Variants in DGKH observed in about 807,000 individuals in gnomAD.
DGKH encodes DAG kinase eta.
In DGKH, 90 loss-of-function variants were observed where a neutral mutation model predicts 159.3. That is an observed-to-expected ratio of 0.57 (90% CI 0.48 to 0.67). DGKH has a LOEUF of 0.67. Among genes scored for constraint, DGKH ranks in the 30% least tolerant of loss-of-function variants. The pLI is 0.00. For synonymous variants in DGKH, 536 were observed against 553.8 expected (o/e 0.97, Z 0.45); for missense variants, 1,181 against 1,506.1 (o/e 0.78, Z 3.57).
intron 1 of DGKH, chr13:42,066,724 C>T (rs531573517): frequency 1.2e-4 from 19 of 152,264 alleles, no homozygotes; most frequent in African/African-American, 3.1e-4. Context: ...CCTTTCATGA[C>T]GTGGTTTTGC....
chr13:42,220,840 AC>A (rs1162990922), intron 28 of DGKH, among the ~76,000 whole-genome samples: 1 of 152,192 alleles, frequency 6.6e-6, no homozygotes, highest in Non-Finnish European at 1.5e-5. Context: ...AAAATTGAAT[AC>A]CCCATATCAG....
At chr13:42,090,014 A>G (rs569914433) in intron 1 of DGKH, among the ~76,000 whole-genome samples, 1 of 152,340 alleles carries the variant, frequency 6.6e-6, no homozygotes, top group African/African-American at 2.4e-5. Context: ...CAAATAACCC[A>G]TGGATCAAAG....
intron 29 of DGKH, among the ~76,000 whole-genome samples, chr13:42,250,842 C>T (rs1283769215): frequency 6.6e-6 from 1 of 152,076 alleles, no homozygotes; most frequent in African/African-American, 2.4e-5. Flanking sequence ...TTTCAACCAA[C>T]AAAAAACACT....
intron 1 of DGKH, among the ~76,000 whole-genome samples, chr13:42,060,369 C>A (rs765443126): frequency 5.3e-5 from 8 of 152,166 alleles, no homozygotes; most frequent in African/African-American, 1.9e-4. Flanking sequence ...CCACCTCTAT[C>A]GGTCTTTTTC....
intron 1 of DGKH, among the ~76,000 whole-genome samples, chr13:42,085,670 C>T (rs899293300): frequency 5.9e-5 from 9 of 152,082 alleles, no homozygotes; most frequent in African/African-American, 2.2e-4. Context: ...AAAAAACGAG[C>T]CAGAGTTTGA....
intron 1 of DGKH, among the ~76,000 whole-genome samples, chr13:42,041,411 A>C: frequency 6.6e-6 from 1 of 152,184 alleles, no homozygotes; most frequent in Non-Finnish European, 1.5e-5. Context: ...GACTCCTGCC[A>C]GCCGCTAAAG....
intron 1 of DGKH, among the ~76,000 whole-genome samples, chr13:42,103,221 T>C (rs902543427): frequency 1.3e-5 from 2 of 152,216 alleles, no homozygotes; most frequent in African/African-American, 4.8e-5. Flanking sequence ...AGAATGCTAC[T>C]TGAATGCAGC....
At chr13:42,243,259 C>T (rs540356364), downstream of DGKH, among the ~76,000 whole-genome samples, 274 of 152,342 alleles carry the variant, frequency 1.8e-3, no homozygotes, top group African/African-American at 6.4e-3. Context: ...TAAATGGAAT[C>T]ATACAGTATG....
At chr13:42,186,175 T>C (rs890145617) in intron 13 of DGKH, among the ~76,000 whole-genome samples, 2 of 152,172 alleles carry the variant, frequency 1.3e-5, no homozygotes, top group African/African-American at 2.4e-5. Context: ...TGGAACCTTT[T>C]TTAAATTTAA....
downstream of DGKH, among the ~76,000 whole-genome samples, chr13:42,247,756 T>C (rs1958592535): frequency 6.6e-6 from 1 of 152,128 alleles, no homozygotes. Context: ...TTAATGTGTT[T>C]TGTGGTTTAG....
At chr13:42,161,309 G>A (rs1420988485) in intron 7 of DGKH, among the ~76,000 whole-genome samples, 1 of 152,204 alleles carries the variant, frequency 6.6e-6, no homozygotes, top group Non-Finnish European at 1.5e-5. Context: ...TACTAAAGTC[G>A]ATTTCTCTAC....
chr13:42,052,809 C>T (rs1298009603), intron 1 of DGKH, among the ~76,000 whole-genome samples: 1 of 152,172 alleles, frequency 6.6e-6, no homozygotes, highest in Non-Finnish European at 1.5e-5. Flanking sequence ...ATAAACCAAA[C>T]AGTATAAACA....
chr13:42,128,180 A>G (rs1955210753), intron 2 of DGKH, among the ~76,000 whole-genome samples: 1 of 152,266 alleles, frequency 6.6e-6, no homozygotes, highest in Non-Finnish European at 1.5e-5. Flanking sequence ...TATTTTTTAT[A>G]TAACCATTGA....
In DGKH at chr13:42,250,785, C is replaced by A. The variant is rs41431446; in HGVS notation, n.4055-1624C>A. Reference sequence around the variant, plus strand: ...ATGGCTACTATAAAAGGTTGTTCAGCCTAAAGGCATAAATGTCTAGAAGCT... The same window carrying A: ...ATGGCTACTATAAAAGGTTGTTCAGACTAAAGGCATAAATGTCTAGAAGCT... On this transcript the variant is annotated intron_variant and non_coding_transcript_variant, in intron 29 of 30. Transcript: ENST00000498255. Among the ~76,000 whole-genome samples, 1,135 of 152,172 alleles carry A rather than the reference C, an allele frequency of 7.5e-3. 13 individuals are homozygous for A. The highest frequency in any genetic ancestry group is 0.025 in the African/African-American group (1,057 of 41,502).
chr13:42,155,897 C>A (rs1257814423), intron 5 of DGKH, 98 bp downstream of exon 5: 49 of 1,385,944 alleles, frequency 3.5e-5, no homozygotes, highest in Non-Finnish European at 4.4e-5. Flanking sequence ...GCTCTCCACA[C>A]ATAGGACTAG....
intron 1 of DGKH, among the ~76,000 whole-genome samples, chr13:42,079,675 C>T (rs1954164643): frequency 6.6e-6 from 1 of 152,206 alleles, no homozygotes; most frequent in African/African-American, 2.4e-5. Flanking sequence ...CCTGTCCCCT[C>T]CCACCACCTC....
intron 2 of DGKH, among the ~76,000 whole-genome samples, chr13:42,129,220 A>G (rs1446073341): frequency 6.6e-6 from 1 of 152,142 alleles, no homozygotes; most frequent in East Asian, 1.9e-4. Flanking sequence ...GAGCTGTTAC[A>G]AGCTTCAGAG....
intron 13 of DGKH, chr13:42,181,597 G>A: frequency 3.5e-6 from 1 of 288,938 alleles, no homozygotes; most frequent in Non-Finnish European, 7.5e-6. Context: ...CTGCTGCTGT[G>A]CAGCTAGTCT....
At chr13:42,160,529 A>G (rs962337683) in intron 7 of DGKH, among the ~76,000 whole-genome samples, 2 of 152,212 alleles carry the variant, frequency 1.3e-5, no homozygotes, top group Non-Finnish European at 2.9e-5. Context: ...GTGCTCTCTG[A>G]CAGAGGTGAA....
Sources: allele counts gnomAD v4.1 joint callset (sites outside exome capture counted in the v4.1 genomes callset), GRCh38; gene constraint gnomAD v4.1.1; transcripts MANE v1.5; gene names NCBI Gene and HGNC (gene_info 2026-07-23, HGNC 2026-07-21).